Variants in RORA observed in about 807,000 individuals in gnomAD.
RORA encodes the protein RAR related orphan receptor A, also known as nuclear receptor ROR-alpha.
In RORA, 7 loss-of-function variants were observed where a neutral mutation model predicts 69.5. The observed-to-expected ratio is 0.10, with a 90% CI of 0.06 to 0.19. The LOEUF (loss-of-function observed/expected upper bound fraction) is 0.19. RORA is among the 10% of genes least tolerant of loss of function. RORA has a pLI of 1.00. For synonymous variants in RORA, 261 were observed against 240.8 expected (o/e 1.08, Z -0.78); for missense variants, 457 against 663.0 (o/e 0.69, Z 3.41).
intron 1 of RORA, among the ~76,000 whole-genome samples, chr15:61,077,193 T>C (rs1436502418): frequency 7.0e-6 from 1 of 142,158 alleles, no homozygotes; most frequent in Non-Finnish European, 1.5e-5. Flanking sequence ...CCAGGTGTGA[T>C]CAAGGGGGAA....
intron 2 of RORA, among the ~76,000 whole-genome samples, chr15:60,656,072 C>A (rs527613361): frequency 4.6e-4 from 70 of 152,214 alleles, no homozygotes; most frequent in African/African-American, 1.6e-3. Context: ...GATATAGGTT[C>A]AGAGAAAAAT....
At chr15:60,940,548 G>A (rs1892662841) in intron 1 of RORA, among the ~76,000 whole-genome samples, 1 of 152,228 alleles carries the variant, frequency 6.6e-6, no homozygotes, top group South Asian at 2.1e-4. Context: ...CATTTTAGGT[G>A]AGGGAACTGT....
intron 1 of RORA, among the ~76,000 whole-genome samples, chr15:60,928,732 T>C (rs576926574): frequency 6.6e-6 from 1 of 152,228 alleles, no homozygotes; most frequent in South Asian, 2.1e-4. Flanking sequence ...ATGGGAGAGT[T>C]AGGACTGTGC....
At chr15:60,964,427 C>T (rs1893494073) in intron 1 of RORA, among the ~76,000 whole-genome samples, 1 of 152,108 alleles carries the variant, frequency 6.6e-6, no homozygotes, top group African/African-American at 2.4e-5. Context: ...TGGGAAAGCC[C>T]TCCTCTGAAA....
intron 2 of RORA, among the ~76,000 whole-genome samples, chr15:60,658,886 A>G (rs1405379063): frequency 6.6e-6 from 1 of 152,184 alleles, no homozygotes; most frequent in Non-Finnish European, 1.5e-5. Flanking sequence ...GCCTTTTGGA[A>G]AGGCACTGTA....
chr15:60,664,150 C>G (rs894465889), intron 2 of RORA, among the ~76,000 whole-genome samples: 3 of 152,180 alleles, frequency 2.0e-5, no homozygotes, highest in African/African-American at 7.2e-5. Context: ...TCCTGTCTCT[C>G]AAATCACCCC....
intron 2 of RORA, among the ~76,000 whole-genome samples, chr15:60,606,307 T>C (rs769434380): frequency 6.6e-6 from 1 of 152,198 alleles, no homozygotes; most frequent in Non-Finnish European, 1.5e-5. Flanking sequence ...GGGCTCCTAA[T>C]TAGGAGCTAC....
intron 1 of RORA, among the ~76,000 whole-genome samples, chr15:60,872,867 C>T (rs530990541): frequency 8.5e-5 from 13 of 152,204 alleles, no homozygotes; most frequent in African/African-American, 2.6e-4. Flanking sequence ...TGCTGTTCCC[C>T]AAGTGCACAT....
chr15:60,516,223 T>C (rs201808508), intron 3 of RORA, among the ~76,000 whole-genome samples: 1 of 11,834 alleles, frequency 8.5e-5, no homozygotes, highest in Non-Finnish European at 2.4e-4. Flanking sequence ...ATATATATAT[T>C]TATATATATA....
chr15:61,177,237 G>A (rs1382500896), intron 1 of RORA, among the ~76,000 whole-genome samples: 1 of 152,208 alleles, frequency 6.6e-6, no homozygotes, highest in East Asian at 1.9e-4. Flanking sequence ...GAGAATCCAA[G>A]TGAGCACAAA....
chr15:61,016,489 C>G (rs750636270), intron 1 of RORA, among the ~76,000 whole-genome samples: 13 of 152,166 alleles, frequency 8.5e-5, no homozygotes, highest in Non-Finnish European at 1.9e-4. Flanking sequence ...GATTTGTACT[C>G]TGTGCATGTG....
chr15:60,495,130 A>C lies in RORA; in HGVS notation c.*2325T>G, dbSNP rs1451158884. ...CCAAAAAACTAAAACACAAAACTCAAACAAAAACAAAACACCATTTCCCCC... is the reference window on the plus strand; with the variant it reads ...CCAAAAAACTAAAACACAAAACTCACACAAAAACAAAACACCATTTCCCCC... On this transcript the variant is annotated 3_prime_UTR_variant, in exon 11 of 11. Coordinates refer to ENST00000335670, the MANE Select transcript of RORA (RefSeq NM_134261.3). 3.3e-5 allele frequency: 5 copies of C among 152,208 alleles called. No individual in the cohort carries two copies. The highest frequency in any genetic ancestry group is 7.3e-5 in the Non-Finnish European group (5 of 68,042). The allele number at this position is 152,208 out of a possible 1,614,324, so 9.4% of individuals were successfully genotyped here.
At chr15:60,592,061 C>T (rs548768146) in intron 2 of RORA, among the ~76,000 whole-genome samples, 3 of 152,092 alleles carry the variant, frequency 2.0e-5, no homozygotes, top group East Asian at 3.9e-4. Flanking sequence ...CCTTCCTTTC[C>T]GAAGCGCGGC....
Position 60,638,944 on chromosome 15 carries a change from A to C in RORA, c.196+39713T>G, listed in dbSNP as rs111451578. Among the ~76,000 whole-genome samples, 270 of 151,934 alleles carry C rather than the reference A, an allele frequency of 1.8e-3. 1 individual carries two copies. In the East Asian group the frequency reaches 0.019, roughly 11 times the overall value. ...GCTCTTCTTAATTTTTATGCTTTTC[A>C]TTAGTAGATAATTCTCTCTGGCTGA... On this transcript the variant is annotated intron_variant, in intron 2 of 10. Transcript: ENST00000335670.
chr15:61,029,426 G>T, intron 1 of RORA, among the ~76,000 whole-genome samples: 1 of 152,154 alleles, frequency 6.6e-6, no homozygotes, highest in East Asian at 1.9e-4. Context: ...TGCAATGGGT[G>T]GCACTGGAGG....
At chr15:61,171,737 T>C (rs1490823233) in intron 1 of RORA, among the ~76,000 whole-genome samples, 2 of 152,210 alleles carry the variant, frequency 1.3e-5, no homozygotes, top group Non-Finnish European at 2.9e-5. Context: ...TGGCTACATC[T>C]TTAGCAGAGA....
At position 61,061,377 on chromosome 15, in the gene RORA, A is replaced by ATAAG. The variant is rs1285268969; in HGVS notation, c.166+167675_166+167676insCTTA. ...AAAAAATAAATAAATAAATAAATAA[A>ATAAG]TAAATAAATAAATAAATAAATACAA... On this transcript the variant is annotated intron_variant, in intron 1 of 10. Coordinates refer to ENST00000335670, the MANE Select transcript of RORA (RefSeq NM_134261.3). This position sits in a 1 kb window ranked among gnomAD's most constrained non-coding sequence, Gnocchi z 4.4. Among the ~76,000 whole-genome samples the ATAAG allele has an allele frequency of 6.7e-6, 1 of 148,890 alleles. No individual in the cohort carries two copies. The highest frequency in any genetic ancestry group is 1.5e-5 in the Non-Finnish European group (1 of 67,060).
chr15:60,857,745 A>C (rs1338070533), intron 1 of RORA, among the ~76,000 whole-genome samples: 3 of 152,234 alleles, frequency 2.0e-5, no homozygotes, highest in Admixed American at 6.5e-5. Flanking sequence ...TTGGAGTTCA[A>C]CATAATTAAG....
At chr15:61,000,234 T>C (rs1364501454) in intron 1 of RORA, among the ~76,000 whole-genome samples, 1 of 152,220 alleles carries the variant, frequency 6.6e-6, no homozygotes, top group East Asian at 1.9e-4. Flanking sequence ...TAAATGTTCA[T>C]TACACTAAAG....
Sources: gnomAD v4.1 joint callset for allele counts (sites outside exome capture counted in the v4.1 genomes callset) on GRCh38, gnomAD v4.1.1 for gene constraint, Gnocchi (gnomAD v3.1) non-coding constraint, MANE v1.5 for transcripts, NCBI Gene and HGNC (gene_info 2026-07-23, HGNC 2026-07-21) for gene names.